COL5A1: variants seen among roughly 807,000 people sequenced by gnomAD.
COL5A1 encodes the protein collagen alpha-1(V) chain.
In COL5A1, 16 loss-of-function variants were observed where a neutral mutation model predicts 263.7. That is an observed-to-expected ratio of 0.06 (90% confidence interval 0.04 to 0.09). The LOEUF (loss-of-function observed/expected upper bound fraction) is 0.09. COL5A1 is among the 10% of genes least tolerant of loss of function. The pLI is 1.00. For synonymous variants in COL5A1, 1,012 were observed against 1,004.5 expected (o/e 1.01, Z -0.14); for missense variants, 2,036 against 2,540.5 (o/e 0.80, Z 4.27).
intron 50 of COL5A1, among the ~76,000 whole-genome samples, chr9:134,815,234 G>A (rs752202459): frequency 5.3e-5 from 8 of 152,360 alleles, no homozygotes; most frequent in African/African-American, 7.2e-5. Context: ...GAGGGGCTTC[G>A]GAGAGGCACA....
intron 4 of COL5A1, chr9:134,708,718 A>G (rs568876434): frequency 1.8e-5 from 9 of 510,536 alleles, no homozygotes; most frequent in African/African-American, 1.5e-4. Context: ...GGACAAGGAC[A>G]TTGCACTCTG....
At chr9:134,710,301 G>C (rs944972628) in intron 4 of COL5A1, among the ~76,000 whole-genome samples, 6 of 152,256 alleles carry the variant, frequency 3.9e-5, no homozygotes, top group African/African-American at 1.4e-4. Flanking sequence ...GATGATGGTA[G>C]TCATAGTGAT....
In COL5A1 at chr9:134,842,140, G is replaced by C. The variant is rs376639668; in HGVS notation, c.5371-17G>C. On this transcript the variant is annotated splice_polypyrimidine_tract_variant and intron_variant, in intron 65 of 65. Coordinates refer to ENST00000371817, the MANE Select transcript of COL5A1 (RefSeq NM_000093.5). This position sits in a 1 kb window ranked among gnomAD's most constrained non-coding sequence, Gnocchi z 5.8. ...AACTGTTCTTAACCACCGGCCATCT[G>C]TCTCCCTCTTCCCCAGACCAAGAAA... 1.4e-5 allele frequency: 22 copies of C among 1,613,974 alleles called. No homozygotes were observed. Among genetic ancestry groups the C allele is most frequent in the Non-Finnish European group, 1.9e-5 (22 of 1,180,018 alleles).
chr9:134,731,804 T>A, intron 8 of COL5A1, 141 bp downstream of exon 8: 1 of 995,704 alleles, frequency 1.0e-6, no homozygotes, highest in Non-Finnish European at 1.5e-6. Flanking sequence ...ACTTTATTTT[T>A]AAAGAGACCT....
In COL5A1 at chr9:134,741,463, G is replaced by A. The variant is rs932394281; in HGVS notation, c.1494+2655G>A. On this transcript the variant is annotated intron_variant, in intron 11 of 65. Transcript: ENST00000371817. The surrounding 1 kb of genome is among the most constrained non-coding windows in gnomAD (Gnocchi z 4.5). The stretch of plus-strand genomic sequence containing the variant: ...GGGCTTCGCGGGGTGACAGATGGTG[G>A]GCAAGTGACTAGGAACTCCATGGAG... Among the ~76,000 whole-genome samples, 5 of 152,200 alleles carry A rather than the reference G, an allele frequency of 3.3e-5. No individual in the cohort carries two copies. The highest frequency in any genetic ancestry group is 2.6e-4 in the Admixed American group (4 of 15,294).
intron 25 of COL5A1, 139 bp from the exon 26 acceptor site, chr9:134,772,651 C>G: frequency 1.0e-6 from 1 of 983,368 alleles, no homozygotes; most frequent in Non-Finnish European, 1.6e-6. Context: ...CAGCTGCCTT[C>G]GACTTCTGGT....
At chr9:134,812,847 C>T in intron 48 of COL5A1, 135 bp downstream of exon 48, 1 of 723,904 alleles carries the variant, frequency 1.4e-6, no homozygotes, top group South Asian at 1.5e-5. Context: ...CGTGTGTGTA[C>T]CTCTCTGTGT....
chr9:134,788,515 G>GA (rs1837550376), intron 31 of COL5A1, among the ~76,000 whole-genome samples: 1 of 145,430 alleles, frequency 6.9e-6, no homozygotes. Flanking sequence ...TGGGCAGGTG[G>GA]GTAGACAGTT....
chr9:134,746,001 G>T (rs1197668660), intron 11 of COL5A1, among the ~76,000 whole-genome samples: 1 of 152,068 alleles, frequency 6.6e-6, no homozygotes, highest in Non-Finnish European at 1.5e-5. Flanking sequence ...ACTCATCATT[G>T]GATTTAGGAC....
At chr9:134,749,582 G>T (rs1178647281) in intron 11 of COL5A1, among the ~76,000 whole-genome samples, 1 of 152,188 alleles carries the variant, frequency 6.6e-6, no homozygotes, top group Non-Finnish European at 1.5e-5. Flanking sequence ...ATCCATCATG[G>T]GTTTCCTGGC....
chr9:134,753,977 G>A (rs999164426), intron 15 of COL5A1, 74 bp downstream of exon 15: 1 of 1,317,532 alleles, frequency 7.6e-7, no homozygotes, highest in Non-Finnish European at 1.1e-6. Flanking sequence ...CGAGCATGGA[G>A]GGACCCCAAC....
intron 4 of COL5A1, among the ~76,000 whole-genome samples, chr9:134,707,195 C>A (rs1479356943): frequency 1.3e-5 from 2 of 152,178 alleles, no homozygotes; most frequent in Admixed American, 6.5e-5. Flanking sequence ...GGACAGCCGG[C>A]CAGCGAGTTC....
At chr9:134,800,049 C>T (rs993006202) in intron 37 of COL5A1, among the ~76,000 whole-genome samples, 3 of 152,192 alleles carry the variant, frequency 2.0e-5, no homozygotes, top group African/African-American at 7.2e-5. Flanking sequence ...CTAGTCCAGA[C>T]AAGCCTTCCA....
chr9:134,737,501 A>G (rs1835145416), intron 9 of COL5A1, among the ~76,000 whole-genome samples: 1 of 152,020 alleles, frequency 6.6e-6, no homozygotes, highest in South Asian at 2.1e-4. Context: ...GTCATTCTCC[A>G]TTGTCTTGTT....
rs186436448 is a variant in COL5A1 at position 134,789,043 on chromosome 9, G to T, written c.2647-112G>T. On this transcript the variant is annotated intron_variant, in intron 31 of 65. Transcript: ENST00000371817. This position sits in a 1 kb window ranked among gnomAD's most constrained non-coding sequence, Gnocchi z 4.8. ...GGGTGGTTGGGTGGGTGGGCAGGTG[G>T]AGTCTGGGGCAGAGGCTGTGCACTG... 2.2e-6 allele frequency: 2 copies of T among 905,842 alleles called. No homozygotes were observed. The highest frequency in any genetic ancestry group is 2.0e-5 in the Admixed American group (1 of 50,876). The allele number at this position is 905,842 out of a possible 1,614,324, so 56.1% of individuals were successfully genotyped here.
Position 134,782,003 on chromosome 9 carries a change from C to T in COL5A1, c.2431-664C>T, listed in dbSNP as rs139382222. 2.9e-3 allele frequency among the ~76,000 whole-genome samples: 442 copies of T among 152,360 alleles called. 4 individuals are homozygous for T. Among genetic ancestry groups the T allele is most frequent in the African/African-American group, 9.9e-3 (412 of 41,590 alleles). On this transcript the variant is annotated intron_variant, in intron 28 of 65. Coordinates refer to ENST00000371817, the MANE Select transcript of COL5A1 (RefSeq NM_000093.5). The stretch of plus-strand genomic sequence containing the variant: ...AAGGGTCCCCTCTCTGGGAGCCACC[C>T]GTGCCCTCTGCTGAAGGATCTGAGG...
intron 6 of COL5A1, among the ~76,000 whole-genome samples, chr9:134,729,581 A>T (rs1363811545): frequency 6.9e-5 from 3 of 43,634 alleles, no homozygotes; most frequent in East Asian, 7.0e-4. Flanking sequence ...AGCGTGTGTG[A>T]GCGTGTGTGC....
intron 11 of COL5A1, among the ~76,000 whole-genome samples, 181 bp from the exon 12 acceptor site, chr9:134,750,361 C>T (rs994444380): frequency 2.6e-5 from 4 of 152,200 alleles, no homozygotes; most frequent in East Asian, 1.9e-4. Context: ...AGCCCACAGC[C>T]GTGCCCCTCC....
Position 134,745,722 on chromosome 9 carries a change from A to C in COL5A1, c.1495-4820A>C, listed in dbSNP as rs150979768. Among the ~76,000 whole-genome samples, 209 of 152,250 alleles carry C rather than the reference A, an allele frequency of 1.4e-3. 1 individual carries two copies. The highest frequency in any genetic ancestry group is 4.6e-3 in the African/African-American group (193 of 41,552). The stretch of plus-strand genomic sequence containing the variant: ...TTCATTTCTTTGGGATCCTCGGACA[A>C]TTGATGACCAACTTGGGGTTTAAAG... On this transcript the variant is annotated intron_variant, in intron 11 of 65. Transcript: ENST00000371817.
Sources: gnomAD v4.1 joint callset for allele counts (sites outside exome capture counted in the v4.1 genomes callset) on GRCh38, gnomAD v4.1.1 for gene constraint, Gnocchi (gnomAD v3.1) non-coding constraint, MANE v1.5 for transcripts, NCBI Gene and HGNC (gene_info 2026-07-23, HGNC 2026-07-21) for gene names.